STON2: variants seen among roughly 807,000 people sequenced by gnomAD.
STON2 encodes stonin 2.
STON2 carries 29 observed loss-of-function variants against 65.7 expected under a neutral mutation model. The ratio of observed to expected loss-of-function variants is 0.44; its 90% CI spans 0.33 to 0.60. STON2 has a LOEUF of 0.60. Ranked by LOEUF, STON2 falls within the 20% of genes least tolerant of loss-of-function variation. The probability of loss-of-function intolerance (pLI) is 0.03; values close to 1 mark genes in which losing one functional copy is unlikely to be tolerated. For missense variants in STON2, 1,054 were observed against 1,118.1 expected (o/e 0.94, Z 0.82); for synonymous variants, 404 against 414.2 (o/e 0.98, Z 0.30).
intron 5 of STON2, among the ~76,000 whole-genome samples, chr14:81,293,692 T>G (rs1895651894): frequency 6.6e-6 from 1 of 152,172 alleles, no homozygotes; most frequent in Admixed American, 6.5e-5. Context: ...CTTCTTTTGC[T>G]ATACTTGGAA....
chr14:81,314,432 A>G (rs1896547402), intron 5 of STON2, among the ~76,000 whole-genome samples: 1 of 152,260 alleles, frequency 6.6e-6, no homozygotes, highest in Admixed American at 6.5e-5. Flanking sequence ...TTTGTGAAGA[A>G]AGGCTCAATA....
intron 5 of STON2, among the ~76,000 whole-genome samples, chr14:81,308,528 T>A (rs1249188157): frequency 3.3e-5 from 5 of 151,914 alleles, no homozygotes; most frequent in Admixed American, 2.0e-4. Flanking sequence ...AAAAGAACAC[T>A]GAGCAGACAA....
rs1385875892 is a variant in STON2 at position 81,416,007 on chromosome 14, C to T, written c.-199+11095G>A. Among the ~76,000 whole-genome samples the T allele has an allele frequency of 3.9e-5, 6 of 152,092 alleles. No homozygotes were observed. The East Asian group carries it at 9.7e-4, about 24-fold the overall frequency. Reference sequence around the variant, plus strand: ...GGTGTGGGGAGCCCGGGGAGGCTTCCTGGAAGAGGCTGTATCTAACCTGAG... The same window carrying T: ...GGTGTGGGGAGCCCGGGGAGGCTTCTTGGAAGAGGCTGTATCTAACCTGAG... On this transcript the variant is annotated intron_variant, in intron 2 of 8. Transcript: ENST00000553821.
chr14:81,358,558 C>A (rs1033447116), intron 4 of STON2, among the ~76,000 whole-genome samples: 3 of 152,060 alleles, frequency 2.0e-5, no homozygotes, highest in African/African-American at 4.8e-5. Context: ...TTAATACTTA[C>A]CTTGAATGTA....
At chr14:81,331,425 G>A (rs1897209939) in intron 4 of STON2, among the ~76,000 whole-genome samples, 1 of 152,164 alleles carries the variant, frequency 6.6e-6, no homozygotes, top group Non-Finnish European at 1.5e-5. Flanking sequence ...CCTAGAAAAG[G>A]CAGAGCCAGG....
chr14:81,375,240 A>G (rs2140377839), intron 3 of STON2, among the ~76,000 whole-genome samples: 1 of 152,246 alleles, frequency 6.6e-6, no homozygotes, highest in East Asian at 1.9e-4. Context: ...AAACTATATC[A>G]GTACTTAAAA....
intron 3 of STON2, among the ~76,000 whole-genome samples, chr14:81,393,944 C>G (rs1900196869): frequency 6.6e-6 from 1 of 152,198 alleles, no homozygotes; most frequent in Admixed American, 6.5e-5. Context: ...AATCCCAGCA[C>G]TTTGGGAGGC....
intron 3 of STON2, 170 bp downstream of exon 3, chr14:81,395,724 A>T: frequency 1.5e-6 from 1 of 660,866 alleles, no homozygotes; most frequent in Non-Finnish European, 2.6e-6. Flanking sequence ...GTCAACAAAA[A>T]CAAGTTACAG....
At chr14:81,370,833 A>T (rs1898949900) in intron 4 of STON2, among the ~76,000 whole-genome samples, 155 bp downstream of exon 4, 1 of 152,254 alleles carries the variant, frequency 6.6e-6, no homozygotes, top group Non-Finnish European at 1.5e-5. Flanking sequence ...TGCAATTTCC[A>T]GCCACTTTGG....
At chr14:81,298,521 A>G (rs965356375) in intron 5 of STON2, among the ~76,000 whole-genome samples, 2 of 152,160 alleles carry the variant, frequency 1.3e-5, no homozygotes, top group Admixed American at 6.6e-5. Flanking sequence ...TAAATTCCCA[A>G]GCGCGGCTGA....
intron 3 of STON2, among the ~76,000 whole-genome samples, chr14:81,377,938 C>T (rs745974908): frequency 2.6e-5 from 4 of 151,866 alleles, no homozygotes; most frequent in Non-Finnish European, 5.9e-5. Context: ...ACCTCCACTT[C>T]CTGGGTTCAA....
chr14:81,400,684 C>T (rs1408409839), upstream of STON2, among the ~76,000 whole-genome samples: 7 of 151,968 alleles, frequency 4.6e-5, no homozygotes, highest in Admixed American at 4.6e-4. Context: ...TTTTAAAGAT[C>T]AACAACTTCA....
chr14:81,301,453 C>A (rs1895964842), intron 5 of STON2, among the ~76,000 whole-genome samples: 1 of 150,580 alleles, frequency 6.6e-6, no homozygotes. Flanking sequence ...ACAGCAAAAG[C>A]AATTACAATA....
At chr14:81,419,575 C>A (rs1352733974) in intron 2 of STON2, among the ~76,000 whole-genome samples, 3 of 152,204 alleles carry the variant, frequency 2.0e-5, no homozygotes, top group African/African-American at 4.8e-5. Flanking sequence ...GTGGCCAACA[C>A]CACTCACTTG....
chr14:81,387,151 C>T (rs1305722841), intron 3 of STON2, among the ~76,000 whole-genome samples: 2 of 147,718 alleles, frequency 1.4e-5, no homozygotes, highest in African/African-American at 5.1e-5. Flanking sequence ...TTTGATTTAA[C>T]ACCAGAAGGT....
At position 81,265,191 on chromosome 14, in the gene STON2, C is replaced by T; in HGVS notation, c.*3223G>A. 1 of 984,826 alleles carries T rather than the reference C, an allele frequency of 1.0e-6. No individual in the cohort carries two copies. The highest frequency in any genetic ancestry group is 1.2e-6 in the Non-Finnish European group (1 of 829,574). The allele number at this position is 984,826 out of a possible 1,614,324, so 61.0% of individuals were successfully genotyped here. On this transcript the variant is annotated 3_prime_UTR_variant, in exon 8 of 8. Coordinates refer to ENST00000614646, the MANE Select transcript of STON2 (RefSeq NM_001394390.1). ...GGTTATTACATAGCTAATTTGCCCA[C>T]TTGTATTTTCTTTAGAAGTTATTTA...
intron 4 of STON2, among the ~76,000 whole-genome samples, chr14:81,339,362 G>A (rs919122064): frequency 2.6e-5 from 4 of 152,120 alleles, no homozygotes; most frequent in African/African-American, 7.2e-5. Flanking sequence ...TTGTAAATGC[G>A]GGAGGGACAC....
At chr14:81,434,116 T>G (rs762335201) in intron 1 of STON2, among the ~76,000 whole-genome samples, 1 of 152,244 alleles carries the variant, frequency 6.6e-6, no homozygotes, top group Non-Finnish European at 1.5e-5. Flanking sequence ...TCCCTGGAAC[T>G]GTGCCACGGC....
chr14:81,353,719 C>G (rs1261744110), intron 4 of STON2, among the ~76,000 whole-genome samples: 1 of 152,148 alleles, frequency 6.6e-6, no homozygotes, highest in Non-Finnish European at 1.5e-5. Flanking sequence ...AGCCCACGGT[C>G]ATTTCACACC....
Sources: gnomAD v4.1 joint callset for allele counts (sites outside exome capture counted in the v4.1 genomes callset) on GRCh38, gnomAD v4.1.1 for gene constraint, MANE v1.5 for transcripts, NCBI Gene and HGNC (gene_info 2026-07-23, HGNC 2026-07-21) for gene names.